Variants in LRMDA observed in about 807,000 individuals in gnomAD.
The protein encoded by LRMDA is leucine rich melanocyte differentiation associated.
LRMDA carries 18 observed loss-of-function variants against 29.8 expected under a neutral mutation model. The observed-to-expected ratio is 0.60, with a 90% CI of 0.42 to 0.90. The LOEUF is 0.90. Among genes scored for constraint, LRMDA ranks in the 40% least tolerant of loss-of-function variants. LRMDA has a pLI of 0.00. For missense variants in LRMDA, 273 were observed against 273.9 expected (o/e 1.00, Z 0.02); for synonymous variants, 125 against 109.4 (o/e 1.14, Z -0.89).
At chr10:76,091,675 C>A (rs1399764716) in intron 5 of LRMDA, among the ~76,000 whole-genome samples, 3 of 152,004 alleles carry the variant, frequency 2.0e-5, no homozygotes, top group African/African-American at 7.2e-5. Flanking sequence ...CACCAACTCC[C>A]TTCATCCCCA....
intron 2 of LRMDA, among the ~76,000 whole-genome samples, chr10:75,889,919 A>C (rs146312540): frequency 6.6e-6 from 1 of 152,350 alleles, no homozygotes; most frequent in East Asian, 1.9e-4. Context: ...AAGAAGAATA[A>C]GACTCTAAGA....
chr10:76,163,987 A>G lies in LRMDA; in HGVS notation c.516+105204A>G, dbSNP rs140172767. Among the ~76,000 whole-genome samples the G allele has an allele frequency of 1.1e-3, 167 of 152,314 alleles. 1 individual carries two copies. The East Asian group carries it at 0.03, about 27-fold the overall frequency. On this transcript the variant is annotated intron_variant, in intron 5 of 6. Coordinates refer to ENST00000611255, the MANE Select transcript of LRMDA (RefSeq NM_001305581.2). ...TTTAGACAGGGTGACAATTATTCCA[A>G]TGAGTTTTTCTTAATATTGTGAGCT...
At chr10:75,950,066 G>T (rs893531184) in intron 2 of LRMDA, among the ~76,000 whole-genome samples, 13 of 152,226 alleles carry the variant, frequency 8.5e-5, no homozygotes, top group African/African-American at 3.1e-4. Context: ...TGCCAAGACG[G>T]CAAAATGTGT....
intron 2 of LRMDA, among the ~76,000 whole-genome samples, chr10:75,774,916 G>A (rs947804786): frequency 6.6e-6 from 1 of 152,206 alleles, no homozygotes; most frequent in Non-Finnish European, 1.5e-5. Context: ...AGCTTTCCAG[G>A]CTGGAAGGAA....
chr10:76,063,512 G>GT (rs1296306005), intron 5 of LRMDA, among the ~76,000 whole-genome samples: 1 of 152,028 alleles, frequency 6.6e-6, no homozygotes, highest in East Asian at 1.9e-4. Context: ...GTTGTAGCTT[G>GT]TATATTTGTG....
intron 6 of LRMDA, among the ~76,000 whole-genome samples, chr10:76,386,005 G>A (rs908659819): frequency 3.3e-5 from 5 of 152,078 alleles, no homozygotes; most frequent in Non-Finnish European, 5.9e-5. Flanking sequence ...ACTTAAAAGA[G>A]GACAAAGAAA....
intron 2 of LRMDA, among the ~76,000 whole-genome samples, chr10:75,872,349 G>T (rs1230703809): frequency 6.6e-6 from 1 of 151,778 alleles, no homozygotes; most frequent in Admixed American, 6.6e-5. Flanking sequence ...TGTAGCCCAG[G>T]CTGGAGTGCA....
intron 6 of LRMDA, among the ~76,000 whole-genome samples, chr10:76,470,222 C>T (rs1032305346): frequency 6.6e-6 from 1 of 151,926 alleles, no homozygotes; most frequent in African/African-American, 2.4e-5. Context: ...AAGCAGTACA[C>T]CCCAGACATT....
intron 5 of LRMDA, among the ~76,000 whole-genome samples, chr10:76,089,712 A>G (rs917056755): frequency 9.2e-5 from 14 of 152,120 alleles, no homozygotes; most frequent in African/African-American, 3.4e-4. Flanking sequence ...AGCTTTCCAT[A>G]TGCACGGAAC....
chr10:76,207,116 G>C (rs1017978255), intron 5 of LRMDA, among the ~76,000 whole-genome samples: 9 of 152,192 alleles, frequency 5.9e-5, no homozygotes, highest in East Asian at 1.9e-4. Flanking sequence ...ACTTTGAAAT[G>C]CTACTCTGTG....
chr10:76,247,931 T>G (rs1388880566), intron 5 of LRMDA, among the ~76,000 whole-genome samples: 1 of 152,126 alleles, frequency 6.6e-6, no homozygotes, highest in Non-Finnish European at 1.5e-5. Context: ...GTACCTGCAT[T>G]TTTGCTAAAA....
At chr10:75,691,064 C>A (rs1842141499) in intron 2 of LRMDA, among the ~76,000 whole-genome samples, 2 of 120,956 alleles carry the variant, frequency 1.7e-5, no homozygotes, top group Admixed American at 8.2e-5. Flanking sequence ...TATATATCTG[C>A]CATAGATATA....
chr10:76,376,229 TTA>T (rs1484531122), intron 6 of LRMDA, among the ~76,000 whole-genome samples: 7 of 152,302 alleles, frequency 4.6e-5, no homozygotes, highest in Admixed American at 2.6e-4. Context: ...TAGCTCCCAC[TTA>T]TGAGTGAAAA....
At chr10:75,777,867 T>A (rs747008939) in intron 2 of LRMDA, among the ~76,000 whole-genome samples, 6 of 152,200 alleles carry the variant, frequency 3.9e-5, no homozygotes, top group African/African-American at 1.4e-4. Context: ...TATATATTTA[T>A]ATATAACACA....
At chr10:75,529,138 T>C (rs949715321) in intron 2 of LRMDA, among the ~76,000 whole-genome samples, 1 of 152,148 alleles carries the variant, frequency 6.6e-6, no homozygotes, top group Admixed American at 6.5e-5. Flanking sequence ...GGTTCCAGAT[T>C]GAAAGATTCC....
At chr10:75,501,063 A>G (rs1032534124) in intron 2 of LRMDA, among the ~76,000 whole-genome samples, 1 of 152,226 alleles carries the variant, frequency 6.6e-6, no homozygotes, top group Admixed American at 6.5e-5. Flanking sequence ...CATTTATGAC[A>G]TCTCTGAAGG....
intron 2 of LRMDA, among the ~76,000 whole-genome samples, chr10:75,460,357 A>T (rs948752481): frequency 6.6e-6 from 1 of 152,192 alleles, no homozygotes; most frequent in Non-Finnish European, 1.5e-5. Context: ...ATAATTTAAA[A>T]GTTAAATTCA....
chr10:75,438,000 T>G (rs1241747104), intron 1 of LRMDA, among the ~76,000 whole-genome samples: 3 of 152,150 alleles, frequency 2.0e-5, no homozygotes, highest in African/African-American at 7.2e-5. Flanking sequence ...ACCAGGGTAC[T>G]GGAGGGCAGT....
At chr10:75,772,303 A>G (rs1843251304) in intron 2 of LRMDA, among the ~76,000 whole-genome samples, 1 of 152,206 alleles carries the variant, frequency 6.6e-6, no homozygotes, top group South Asian at 2.1e-4. Flanking sequence ...TATTTAAGTC[A>G]GTCTTATAAA....
Sources: allele counts gnomAD v4.1 joint callset (sites outside exome capture counted in the v4.1 genomes callset), GRCh38; gene constraint gnomAD v4.1.1; transcripts MANE v1.5; gene names NCBI Gene and HGNC (gene_info 2026-07-23, HGNC 2026-07-21).